The following CDH12 variants were observed in gnomAD, a reference collection of about 807,000 sequenced individuals.
The protein encoded by CDH12 is cadherin-12.
In CDH12, 41 loss-of-function variants were observed where a neutral mutation model predicts 74.1. The ratio of observed to expected loss-of-function variants is 0.55; its 90% CI spans 0.43 to 0.72. The LOEUF (loss-of-function observed/expected upper bound fraction) is 0.72. Ranked by LOEUF, CDH12 falls within the 30% of genes least tolerant of loss-of-function variation. The probability of loss-of-function intolerance (pLI) is 0.00; values close to 1 mark genes in which losing one functional copy is unlikely to be tolerated. For missense variants in CDH12, 945 were observed against 977.2 expected (o/e 0.97, Z 0.44); for synonymous variants, 399 against 355.0 (o/e 1.12, Z -1.39).
chr5:22,832,548 T>C (rs1221689591), intron 1 of CDH12, among the ~76,000 whole-genome samples: 2 of 152,102 alleles, frequency 1.3e-5, no homozygotes, highest in African/African-American at 2.4e-5. Flanking sequence ...AGGTTTATTA[T>C]CAACGTGTCA....
intron 4 of CDH12, among the ~76,000 whole-genome samples, chr5:22,167,822 A>G (rs1002836773): frequency 1.3e-5 from 2 of 152,086 alleles, no homozygotes; most frequent in African/African-American, 2.4e-5. Context: ...TTGAAAATCC[A>G]TATTCCATTT....
intron 1 of CDH12, among the ~76,000 whole-genome samples, chr5:22,597,608 G>C (rs913297078): frequency 6.6e-6 from 1 of 152,076 alleles, no homozygotes; most frequent in East Asian, 1.9e-4. Context: ...TTCCTAATCT[G>C]TTTGTTTCAC....
intron 5 of CDH12, among the ~76,000 whole-genome samples, chr5:22,021,257 G>A (rs182418980): frequency 6.6e-6 from 1 of 152,264 alleles, no homozygotes; most frequent in African/African-American, 2.4e-5. Context: ...TTCACATGTG[G>A]AGTCATGTCA....
chr5:22,159,759 TTAAA>T (rs1332731600), intron 4 of CDH12, among the ~76,000 whole-genome samples: 1 of 152,198 alleles, frequency 6.6e-6, no homozygotes, highest in East Asian at 1.9e-4. Flanking sequence ...CTGGATGAGT[TTAAA>T]TATACTGGAA....
intron 3 of CDH12, among the ~76,000 whole-genome samples, chr5:22,280,842 A>G (rs1561279148): frequency 6.6e-6 from 1 of 152,214 alleles, no homozygotes; most frequent in Non-Finnish European, 1.5e-5. Context: ...CAATCAATAG[A>G]AAAAGAGCGA....
chr5:21,954,835 T>A (rs1756024508), intron 6 of CDH12, among the ~76,000 whole-genome samples: 1 of 152,120 alleles, frequency 6.6e-6, no homozygotes, highest in Non-Finnish European at 1.5e-5. Flanking sequence ...CTAGGTACTA[T>A]TTGATTATGA....
chr5:22,463,925 C>G (rs903850244), intron 2 of CDH12, among the ~76,000 whole-genome samples: 6 of 152,156 alleles, frequency 3.9e-5, no homozygotes, highest in African/African-American at 1.4e-4. Flanking sequence ...TAACTTTCTT[C>G]AATGGTTATG....
chr5:21,879,562 T>C (rs1003712474), intron 6 of CDH12, among the ~76,000 whole-genome samples: 5 of 152,238 alleles, frequency 3.3e-5, no homozygotes, highest in African/African-American at 9.6e-5. Context: ...AATTAAGTTA[T>C]TATTCCCTTA....
At chr5:22,746,811 T>A (rs1745317787) in intron 1 of CDH12, among the ~76,000 whole-genome samples, 1 of 152,150 alleles carries the variant, frequency 6.6e-6, no homozygotes, top group Non-Finnish European at 1.5e-5. Flanking sequence ...AGAAGAATAT[T>A]TAGCTTCAGA....
chr5:22,459,246 A>G (rs1193652932), intron 2 of CDH12, among the ~76,000 whole-genome samples: 1 of 152,058 alleles, frequency 6.6e-6, no homozygotes, highest in Admixed American at 6.5e-5. Context: ...CTATATTAAA[A>G]TTTATATTAT....
rs571743373 is a variant in CDH12 at position 21,947,393 on chromosome 5, T to C, written c.526+27698A>G. ...ACTTGTGGAATGGTTTTGACCAAAA[T>C]GCTGATTGTGATATAGACAGTGAAG... On this transcript the variant is annotated intron_variant, in intron 6 of 14. Transcript: ENST00000382254. Among the ~76,000 whole-genome samples the C allele has an allele frequency of 2.0e-4, 31 of 152,296 alleles. No homozygotes were observed. The South Asian group carries it at 4.6e-3, about 22-fold the overall frequency.
At chr5:21,908,300 G>A (rs1753727909) in intron 6 of CDH12, among the ~76,000 whole-genome samples, 1 of 152,142 alleles carries the variant, frequency 6.6e-6, no homozygotes, top group Non-Finnish European at 1.5e-5. Context: ...CAATCGTGAG[G>A]ACAATGTTAT....
intron 2 of CDH12, among the ~76,000 whole-genome samples, chr5:22,449,679 A>G (rs992875399): frequency 6.6e-6 from 1 of 152,024 alleles, no homozygotes; most frequent in Non-Finnish European, 1.5e-5. Flanking sequence ...ACTTGACCTT[A>G]TCATCCACAT....
chr5:22,810,607 G>A (rs1167390232), intron 1 of CDH12, among the ~76,000 whole-genome samples: 1 of 151,966 alleles, frequency 6.6e-6, no homozygotes, highest in African/African-American at 2.4e-5. Context: ...AATAAAAATG[G>A]GCCACGCACC....
chr5:22,247,952 A>G (rs1753011541), intron 3 of CDH12, among the ~76,000 whole-genome samples: 1 of 152,194 alleles, frequency 6.6e-6, no homozygotes, highest in African/African-American at 2.4e-5. Flanking sequence ...AAGAAGTCCC[A>G]AAAGCTTAAA....
At chr5:22,046,096 T>C (rs1739932211) in intron 5 of CDH12, among the ~76,000 whole-genome samples, 2 of 152,128 alleles carry the variant, frequency 1.3e-5, no homozygotes, top group Non-Finnish European at 2.9e-5. Context: ...AATTACAAAA[T>C]TAGAAGCAAT....
At position 21,842,328 on chromosome 5, in the gene CDH12, C is replaced by G; in HGVS notation, c.647G>C (p.Gly216Ala). 6.3e-7 allele frequency: 1 copy of G among 1,588,360 alleles called. No individual in the cohort carries two copies. The highest frequency in any genetic ancestry group is 8.6e-7 in the Non-Finnish European group (1 of 1,166,588). The change falls in exon 8 of 15, where the codon GGT (glycine) becomes GCT (alanine). Residue 216 changes from glycine (G) to alanine (A), a missense_variant and splice_region_variant. By Grantham distance (60) the Gly-to-Ala change is moderately conservative. Coordinates refer to ENST00000382254, the MANE Select transcript of CDH12 (RefSeq NM_004061.5). ...QPYFSIDPKT[G>A]VIRTALPNMD... Reference sequence around the variant, plus strand: ...GTTTGGCAAAGCTGTTCTAATAACACCTTAAGGGATAAAAGCAATAATGTA... The same window carrying G: ...GTTTGGCAAAGCTGTTCTAATAACAGCTTAAGGGATAAAAGCAATAATGTA...
chr5:22,556,409 G>A (rs541557965), intron 1 of CDH12, among the ~76,000 whole-genome samples: 9 of 151,986 alleles, frequency 5.9e-5, no homozygotes, highest in African/African-American at 9.7e-5. Context: ...CCACAGAAAC[G>A]TGAGAAAAGT....
At chr5:22,661,199 A>G (rs1740328057) in intron 1 of CDH12, among the ~76,000 whole-genome samples, 1 of 152,108 alleles carries the variant, frequency 6.6e-6, no homozygotes, top group African/African-American at 2.4e-5. Context: ...CTTCAACCAC[A>G]GAGTCTTCCA....
Sources: gnomAD v4.1 joint callset for allele counts (sites outside exome capture counted in the v4.1 genomes callset) on GRCh38, gnomAD v4.1.1 for gene constraint, MANE v1.5 for transcripts, NCBI Gene and HGNC (gene_info 2026-07-23, HGNC 2026-07-21) for gene names.